PDGFD: variants seen among roughly 807,000 people sequenced by gnomAD.
PDGFD encodes platelet derived growth factor D.
A neutral mutation model predicts 44.7 loss-of-function variants in PDGFD; 30 were observed. The ratio of observed to expected loss-of-function variants is 0.67; its 90% CI spans 0.50 to 0.91. The LOEUF is 0.91. Among genes scored for constraint, PDGFD ranks in the 40% least tolerant of loss-of-function variants. PDGFD has a pLI of 0.00. For missense variants in PDGFD, 445 were observed against 457.8 expected (o/e 0.97, Z 0.25); for synonymous variants, 173 against 168.4 (o/e 1.03, Z -0.21).
intron 1 of PDGFD, among the ~76,000 whole-genome samples, chr11:104,141,240 G>T (rs2119873783): frequency 6.6e-6 from 1 of 152,206 alleles, no homozygotes; most frequent in South Asian, 2.1e-4. Flanking sequence ...ATTTGTTGTA[G>T]GTTGAACGGT....
intron 1 of PDGFD, among the ~76,000 whole-genome samples, chr11:104,135,384 CTGTT>C (rs1295923079): frequency 6.6e-6 from 1 of 152,182 alleles, no homozygotes; most frequent in Non-Finnish European, 1.5e-5. Context: ...ATAGAATTGA[CTGTT>C]TGTGTGGCAG....
intron 3 of PDGFD, among the ~76,000 whole-genome samples, chr11:103,955,064 T>G (rs1698575077): frequency 6.8e-6 from 1 of 147,018 alleles, no homozygotes; most frequent in Admixed American, 6.8e-5. Flanking sequence ...CTTGGGAGGC[T>G]GAGGCAGGAG....
intron 1 of PDGFD, among the ~76,000 whole-genome samples, chr11:104,047,383 C>T (rs1295172401): frequency 6.8e-6 from 1 of 147,458 alleles, no homozygotes; most frequent in African/African-American, 2.5e-5. Context: ...CCTATTTCTC[C>T]ACATCCTCTC....
chr11:103,995,543 T>C (rs1443820776), intron 3 of PDGFD, among the ~76,000 whole-genome samples: 2 of 152,180 alleles, frequency 1.3e-5, no homozygotes, highest in African/African-American at 2.4e-5. Flanking sequence ...GGGTCCTCTA[T>C]TGGACCTTTT....
At chr11:104,099,691 A>G (rs1327453719) in intron 1 of PDGFD, among the ~76,000 whole-genome samples, 1 of 150,334 alleles carries the variant, frequency 6.7e-6, no homozygotes, top group Non-Finnish European at 1.5e-5. Flanking sequence ...AAACCAAAAA[A>G]TGGAATATAT....
At chr11:104,139,454 G>T (rs1321373602) in intron 1 of PDGFD, among the ~76,000 whole-genome samples, 2 of 152,162 alleles carry the variant, frequency 1.3e-5, no homozygotes, top group Admixed American at 1.3e-4. Context: ...GATAAACGGT[G>T]AAAGAACAGG....
intron 4 of PDGFD, among the ~76,000 whole-genome samples, chr11:103,946,911 G>GA (rs575076839): frequency 2.0e-5 from 3 of 151,524 alleles, no homozygotes; most frequent in Admixed American, 6.6e-5. Context: ...CCAATTTTAG[G>GA]AAAAAAAACA....
chr11:104,151,667 G>A (rs781102889), intron 1 of PDGFD, among the ~76,000 whole-genome samples: 10 of 152,076 alleles, frequency 6.6e-5, no homozygotes, highest in Non-Finnish European at 1.2e-4. Context: ...TTGCTTTTAT[G>A]TTCAGAAATA....
intron 3 of PDGFD, among the ~76,000 whole-genome samples, chr11:103,960,850 T>G (rs1591095937): frequency 7.3e-6 from 1 of 137,056 alleles, no homozygotes; most frequent in African/African-American, 3.6e-5. Flanking sequence ...TGCCCACACA[T>G]GGTAGAGAGA....
At chr11:104,070,637 A>G (rs1057167662) in intron 1 of PDGFD, among the ~76,000 whole-genome samples, 4 of 152,202 alleles carry the variant, frequency 2.6e-5, no homozygotes, top group Non-Finnish European at 4.4e-5. Flanking sequence ...TTGTAAAATA[A>G]TATGACAGAT....
chr11:103,966,651 C>G (rs1366024785), intron 3 of PDGFD, among the ~76,000 whole-genome samples: 1 of 152,110 alleles, frequency 6.6e-6, no homozygotes, highest in Non-Finnish European at 1.5e-5. Context: ...AGCCTGGACT[C>G]CATATTCTCT....
Position 104,076,166 on chromosome 11 carries a change from T to C in PDGFD, c.125-75911A>G, listed in dbSNP as rs977351999. On this transcript the variant is annotated intron_variant, in intron 1 of 6. Transcript: ENST00000393158. ...CTGCCTTGTGAAGAAGGTTCCTTTT[T>C]TCCCCCTCACATTCCACCATGATTA... Among the ~76,000 whole-genome samples, 5 of 152,264 alleles carry C rather than the reference T, an allele frequency of 3.3e-5. 1 individual carries two copies. The highest frequency in any genetic ancestry group is 6.5e-5 in the Admixed American group (1 of 15,280).
intron 1 of PDGFD, chr11:104,036,915 G>A (rs372779605): frequency 4.3e-6 from 7 of 1,614,050 alleles, no homozygotes; most frequent in Non-Finnish European, 5.9e-6. Flanking sequence ...GAAACTTCAA[G>A]GTCCTCTGCG....
chr11:103,925,370 C>T (rs914184661), intron 6 of PDGFD, among the ~76,000 whole-genome samples: 19 of 152,144 alleles, frequency 1.2e-4, no homozygotes, highest in Non-Finnish European at 1.5e-4. Context: ...AACAGTAATT[C>T]CTAACAATGA....
intron 1 of PDGFD, among the ~76,000 whole-genome samples, chr11:104,028,091 G>C (rs1265951513): frequency 2.0e-5 from 3 of 151,484 alleles, no homozygotes; most frequent in Admixed American, 2.0e-4. Flanking sequence ...TCTGGAGACT[G>C]AGGCAGGAGA....
At chr11:103,939,279 T>C (rs1249304652) in intron 5 of PDGFD, among the ~76,000 whole-genome samples, 2 of 152,198 alleles carry the variant, frequency 1.3e-5, no homozygotes, top group Admixed American at 1.3e-4. Flanking sequence ...ATGTCCCTTG[T>C]AAGTTGGATT....
chr11:104,094,967 G>A (rs1439270637), intron 1 of PDGFD, among the ~76,000 whole-genome samples: 3 of 152,096 alleles, frequency 2.0e-5, no homozygotes, highest in Non-Finnish European at 2.9e-5. Flanking sequence ...AGTTCACGAC[G>A]TAGCAATCAC....
At chr11:104,056,267 T>C (rs1860615191) in intron 1 of PDGFD, among the ~76,000 whole-genome samples, 1 of 152,354 alleles carries the variant, frequency 6.6e-6, no homozygotes, top group South Asian at 2.1e-4. Context: ...GCAATGTCTT[T>C]ATTTTCACAG....
intron 1 of PDGFD, among the ~76,000 whole-genome samples, chr11:104,022,900 T>C (rs569640582): frequency 2.0e-5 from 3 of 152,160 alleles, no homozygotes; most frequent in African/African-American, 4.8e-5. Context: ...GTAGTAACTA[T>C]AAAAAATATA....
Sources: gnomAD v4.1 joint callset for allele counts (sites outside exome capture counted in the v4.1 genomes callset) on GRCh38, gnomAD v4.1.1 for gene constraint, MANE v1.5 for transcripts, NCBI Gene and HGNC (gene_info 2026-07-23, HGNC 2026-07-21) for gene names.